Variants in ZBTB41 observed in about 807,000 individuals in gnomAD.
ZBTB41 encodes zinc finger and BTB domain-containing protein 41.
ZBTB41 carries 42 observed loss-of-function variants against 87.6 expected under a neutral mutation model. The observed-to-expected ratio is 0.48, with a 90% CI of 0.37 to 0.62. The LOEUF is 0.62. ZBTB41 is among the 20% of genes least tolerant of loss of function. The pLI, the probability that ZBTB41 is intolerant of heterozygous loss-of-function variation, is 0.00. For missense variants in ZBTB41, 799 were observed against 1,078.9 expected, an observed-to-expected ratio of 0.74 and a Z score of 3.63; for synonymous variants, 364 against 364.0, an observed-to-expected ratio of 1.00 and a Z score of 0.00.
chr1:197,200,962 G>C (rs1269074119), intron 1 of ZBTB41, among the ~76,000 whole-genome samples: 3 of 152,194 alleles, frequency 2.0e-5, no homozygotes, highest in Non-Finnish European at 2.9e-5. Context: ...CGCGAGATCC[G>C]AGTCTCTCCA....
intron 6 of ZBTB41, among the ~76,000 whole-genome samples, chr1:197,180,527 C>T (rs181076794): frequency 5.3e-5 from 8 of 152,204 alleles, no homozygotes; most frequent in African/African-American, 1.9e-4. Context: ...CTGTAGATAA[C>T]ACCCAGCTTT....
intron 2 of ZBTB41, among the ~76,000 whole-genome samples, chr1:197,193,393 A>C (rs566040397): frequency 8.4e-4 from 128 of 152,014 alleles, no homozygotes; most frequent in Admixed American, 3.7e-3. Context: ...AACAAAAAAA[A>C]AACCAAAAAA....
intron 1 of ZBTB41, 33 bp from the exon 2 acceptor site, chr1:197,200,623 C>A (rs781160636): frequency 2.3e-5 from 14 of 616,082 alleles, no homozygotes; most frequent in Non-Finnish European, 3.6e-5. Flanking sequence ...TAAAATAACT[C>A]CATGGCAAAG....
At chr1:197,178,967 T>C (rs1659678170) in intron 6 of ZBTB41, among the ~76,000 whole-genome samples, 1 of 152,122 alleles carries the variant, frequency 6.6e-6, no homozygotes, top group African/African-American at 2.4e-5. Context: ...TTCCAGGTGC[T>C]GATGTGAAAA....
At chr1:197,174,648 T>C (rs1659559846) in intron 9 of ZBTB41, among the ~76,000 whole-genome samples, 1 of 152,098 alleles carries the variant, frequency 6.6e-6, no homozygotes, top group African/African-American at 2.4e-5. Flanking sequence ...TTTTAAATGC[T>C]TAGTATGATT....
Position 197,158,064 on chromosome 1 carries a change from T to C in ZBTB41, c.*1295A>G, listed in dbSNP as rs936251818. The C allele has an allele frequency of 7.2e-5, 11 of 152,368 alleles. No individual in the cohort carries two copies. Among genetic ancestry groups the C allele is most frequent in the African/African-American group, 2.7e-4 (11 of 41,414 alleles). 9.4% of individuals were successfully genotyped at this position (152,368 alleles called of 1,614,324 possible). On this transcript the variant is annotated 3_prime_UTR_variant, in exon 11 of 11. Coordinates refer to ENST00000367405, the MANE Select transcript of ZBTB41 (RefSeq NM_194314.3). ...CTTCAAGCAACTCTACTAGGAAACATTATCTTAGTTTTTAGTTAAAATTGA... is the reference window on the plus strand; with the variant it reads ...CTTCAAGCAACTCTACTAGGAAACACTATCTTAGTTTTTAGTTAAAATTGA...
chr1:197,179,367 G>A lies in ZBTB41; in HGVS notation c.1677-855C>T, dbSNP rs1344071727. The stretch of plus-strand genomic sequence containing the variant: ...TTACTCACATGTTTGTGGTGATGCT[G>A]TTGTAGACAAACATACTACATTGCC... On this transcript the variant is annotated intron_variant, in intron 6 of 10. Transcript: ENST00000367405. Among the ~76,000 whole-genome samples the A allele has an allele frequency of 2.6e-5, 4 of 152,006 alleles. No individual in the cohort carries two copies. The East Asian group carries it at 5.8e-4, about 22-fold the overall frequency.
chr1:197,200,208 T>A lies in ZBTB41; in HGVS notation c.266A>T (p.Asp89Val). 1 of 1,613,512 alleles carries A rather than the reference T, an allele frequency of 6.2e-7. No individual in the cohort carries two copies. Among genetic ancestry groups the A allele is most frequent in the South Asian group, 1.1e-5 (1 of 90,860 alleles). ...DDRQKQPSFCDLLIIVEGKEF... is the reference protein window; with the variant it reads ...DDRQKQPSFCVLLIIVEGKEF... ...TTTTCCTTCCACTATGATAAGTAAA[T>A]CACAAAAAGATGGTTGCTTCTGCCT... The change falls in exon 2 of 11, where the codon GAT becomes GTT. Residue 89 changes from aspartate to valine, a missense_variant. By Grantham distance (152) the Asp-to-Val change is radical (BLOSUM62 -3). Coordinates refer to ENST00000367405, the MANE Select transcript of ZBTB41 (RefSeq NM_194314.3).
intron 5 of ZBTB41, among the ~76,000 whole-genome samples, chr1:197,181,980 C>G (rs764620773): frequency 3.3e-5 from 5 of 151,992 alleles, no homozygotes; most frequent in Non-Finnish European, 4.4e-5. Flanking sequence ...ATATTTTACT[C>G]ATTTATTAAC....
chr1:197,160,639 T>C (rs1487734430), intron 10 of ZBTB41, among the ~76,000 whole-genome samples: 1 of 152,096 alleles, frequency 6.6e-6, no homozygotes, highest in African/African-American at 2.4e-5. Flanking sequence ...CACTGTAGTT[T>C]TGTTTTGTTT....
chr1:197,200,531 G>T lies in ZBTB41; in HGVS notation c.-58C>A. 6.7e-7 allele frequency: 1 copy of T among 1,483,118 alleles called. No individual in the cohort carries two copies. Among genetic ancestry groups the T allele is most frequent in the South Asian group, 1.4e-5 (1 of 70,900 alleles). The allele number at this position is 1,483,118 out of a possible 1,614,324, so 91.9% of individuals were successfully genotyped here. On this transcript the variant is annotated 5_prime_UTR_variant, in exon 2 of 11. Coordinates refer to ENST00000367405, the MANE Select transcript of ZBTB41 (RefSeq NM_194314.3). Reference sequence around the variant, plus strand: ...ATAAGTGTCTTAAGTGATTTATAAAGGAAAACTAGATTGTCTTGGATAACA... The same window carrying T: ...ATAAGTGTCTTAAGTGATTTATAAATGAAAACTAGATTGTCTTGGATAACA...
chr1:197,183,323 T>C (rs1659802420), intron 5 of ZBTB41, among the ~76,000 whole-genome samples: 1 of 152,164 alleles, frequency 6.6e-6, no homozygotes, highest in Non-Finnish European at 1.5e-5. Context: ...ATCTAAGAAG[T>C]ACGTATTAAC....
rs1341940893 is a variant in ZBTB41 at position 197,154,565 on chromosome 1, T to C, written c.*4794A>G. On this transcript the variant is annotated 3_prime_UTR_variant, in exon 11 of 11. Transcript: ENST00000367405. ...ACACATCTTAATCCTATTACATCTA[T>C]CTTATTAATGCTACTTCCAAAGAGA... The C allele has an allele frequency of 6.6e-6, 1 of 152,062 alleles. No homozygotes were observed. The highest frequency in any genetic ancestry group is 1.5e-5 in the Non-Finnish European group (1 of 67,934). 9.4% of individuals were successfully genotyped at this position (152,062 alleles called of 1,614,324 possible).
At position 197,161,899 on chromosome 1, in the gene ZBTB41, GCA is replaced by G. The variant is rs373259167; in HGVS notation, c.2075-1887_2075-1886del. On this transcript the variant is annotated intron_variant, in intron 10 of 10. Transcript: ENST00000367405. Reference sequence around the variant, plus strand: ...ACAGCAATACTAACACCACCAAGAAGCACAGAGTCTACTTTTATAGACAAAAG... The same window carrying G: ...ACAGCAATACTAACACCACCAAGAAGCAGAGTCTACTTTTATAGACAAAAG... Among the ~76,000 whole-genome samples, 639 of 151,776 alleles carry G rather than the reference GCA, an allele frequency of 4.2e-3. 5 individuals are homozygous for G. Among genetic ancestry groups the G allele is most frequent in the African/African-American group, 0.015 (622 of 41,386 alleles).
intron 2 of ZBTB41, among the ~76,000 whole-genome samples, chr1:197,196,208 A>G (rs937171161): frequency 2.6e-5 from 4 of 152,196 alleles, no homozygotes; most frequent in African/African-American, 9.7e-5. Flanking sequence ...AATTCTACGA[A>G]AGGAATGTGG....
rs1386924455 is a variant in ZBTB41, at chr1:197,191,856, G to C, written c.1164C>G (p.Pro388=). 1.2e-6 allele frequency: 2 copies of C among 1,613,594 alleles called. No individual in the cohort carries two copies. Among genetic ancestry groups the C allele is most frequent in the South Asian group, 2.2e-5 (2 of 91,014 alleles). Residue 388 remains proline, a synonymous_variant, in exon 3 of 11, where the codon CCC becomes CCG. Transcript: ENST00000367405. ...SHTRVHTGEK[P]FECDICHQRY... is the part of the protein sequence containing the mutation. ...GCTGGTGACAAATATCACACTCAAA[G>C]GGCTTCTCACCTGTGTGAACACGGG... is the stretch of plus-strand genomic sequence containing the variant.
chr1:197,178,428 TC>T lies in ZBTB41; in HGVS notation c.1760del (p.Gly587GlufsTer125). On this transcript the variant is annotated frameshift_variant, in exon 7 of 11. Transcript: ENST00000367405. LOFTEE classifies it high-confidence loss of function. Reference sequence around the variant, plus strand: ...ATGGTTTTACTTACCTATACGAACTTCCATGACGAAAACTTTGCCCACAAAT... The same window carrying T: ...ATGGTTTTACTTACCTATACGAACTTCATGACGAAAACTTTGCCCACAAAT... ...CSICGQSFRH[G>X]SSYRLHLRVH... The T allele has an allele frequency of 6.2e-7, 1 of 1,607,090 alleles. No homozygotes were observed. The highest frequency in any genetic ancestry group is 8.5e-7 in the Non-Finnish European group (1 of 1,176,688).
intron 5 of ZBTB41, among the ~76,000 whole-genome samples, chr1:197,185,034 G>A (rs923903050): frequency 3.3e-5 from 5 of 151,986 alleles, no homozygotes; most frequent in African/African-American, 1.2e-4. Flanking sequence ...GGCTAGTCTC[G>A]AACTCCTGAC....
chr1:197,183,718 C>T (rs1016927757), intron 5 of ZBTB41, among the ~76,000 whole-genome samples: 56 of 152,080 alleles, frequency 3.7e-4, no homozygotes, highest in African/African-American at 1.3e-3. Flanking sequence ...TTTTGAATGT[C>T]GAATGTACTT....
Sources: allele counts gnomAD v4.1 joint callset (sites outside exome capture counted in the v4.1 genomes callset), GRCh38; gene constraint gnomAD v4.1.1; transcripts MANE v1.5; gene names NCBI Gene and HGNC (gene_info 2026-07-23, HGNC 2026-07-21).